POLN: variants seen among roughly 807,000 people sequenced by gnomAD.
The protein encoded by POLN is DNA polymerase N.
In POLN, 108 loss-of-function variants were observed where a neutral mutation model predicts 113.5. That is an observed-to-expected ratio of 0.95 (90% CI 0.81 to 1.12). The LOEUF (loss-of-function observed/expected upper bound fraction) is 1.12, where lower values mean the gene tolerates loss of function less well. Among genes scored for constraint, POLN ranks in the 50% most tolerant of loss-of-function variants. The probability of loss-of-function intolerance (pLI) is 0.00; values close to 1 mark genes in which losing one functional copy is unlikely to be tolerated. For synonymous variants in POLN, 386 were observed against 391.5 expected (o/e 0.99, Z 0.17); for missense variants, 1,097 against 1,077.1 (o/e 1.02, Z -0.26).
In POLN at chr4:2,187,242, G is replaced by T. The variant is rs1041730851; in HGVS notation, c.1021+5962C>A. 7.7e-4 allele frequency among the ~76,000 whole-genome samples: 100 copies of T among 130,024 alleles called. 2 individuals are homozygous for T. The highest frequency in any genetic ancestry group is 2.2e-3 in the African/African-American group (60 of 27,134). The allele number at this position is 130,024 out of a possible 152,430, so 85.3% of individuals were successfully genotyped here. On this transcript the variant is annotated intron_variant, in intron 7 of 25. Coordinates refer to ENST00000511885, the MANE Select transcript of POLN (RefSeq NM_181808.4). Reference sequence around the variant, plus strand: ...AACTTCCCAAATTTTTTGTTTGTTTGTTTTGTTTGTTTGTTTGTTTAGATG... The same window carrying T: ...AACTTCCCAAATTTTTTGTTTGTTTTTTTTGTTTGTTTGTTTGTTTAGATG...
intron 19 of POLN, among the ~76,000 whole-genome samples, chr4:2,119,865 C>A (rs1018032873): frequency 1.4e-4 from 21 of 152,140 alleles, no homozygotes; most frequent in Admixed American, 1.3e-3. Context: ...AAGTAACCAC[C>A]ATGCAAATAC....
intron 16 of POLN, among the ~76,000 whole-genome samples, chr4:2,155,781 G>A (rs1051567589): frequency 6.6e-6 from 1 of 151,958 alleles, no homozygotes; most frequent in African/African-American, 2.4e-5. Context: ...GATATCAAGA[G>A]ATGTTAAAAT....
intron 20 of POLN, chr4:2,090,002 G>T: frequency 1.1e-6 from 1 of 922,318 alleles, no homozygotes; most frequent in Non-Finnish European, 1.7e-6. Context: ...AGTCTGTCAA[G>T]TTTCTTTTTC....
intron 19 of POLN, among the ~76,000 whole-genome samples, chr4:2,115,124 T>A (rs1731284393): frequency 6.6e-6 from 1 of 151,576 alleles, no homozygotes; most frequent in African/African-American, 2.4e-5. Flanking sequence ...CTTGGCTCAC[T>A]GCAACCCCTC....
intron 13 of POLN, among the ~76,000 whole-genome samples, chr4:2,160,354 G>C (rs943511354): frequency 1.3e-5 from 2 of 151,870 alleles, no homozygotes; most frequent in African/African-American, 4.8e-5. Flanking sequence ...ACAGTTTTTT[G>C]GTCTGTTATA....
intron 8 of POLN, among the ~76,000 whole-genome samples, chr4:2,177,587 G>C (rs1241115652): frequency 2.0e-5 from 3 of 152,194 alleles, no homozygotes; most frequent in East Asian, 3.8e-4. Context: ...CCTCGAGTGT[G>C]GATGAGTTGA....
intron 19 of POLN, among the ~76,000 whole-genome samples, chr4:2,116,266 CAT>C (rs1731315195): frequency 6.6e-6 from 1 of 152,202 alleles, no homozygotes; most frequent in African/African-American, 2.4e-5. Flanking sequence ...CACCAACCCA[CAT>C]GTTAATTAAA....
intron 25 of POLN, 53 bp from the exon 26 acceptor site, chr4:2,072,352 C>T: frequency 6.9e-7 from 1 of 1,445,264 alleles, no homozygotes; most frequent in Non-Finnish European, 9.2e-7. Context: ...CACCCCCAGC[C>T]ACCTCCCAGA....
chr4:2,191,870 T>C (rs1338619220), intron 7 of POLN, among the ~76,000 whole-genome samples: 2 of 152,082 alleles, frequency 1.3e-5, no homozygotes, highest in Non-Finnish European at 2.9e-5. Context: ...AGTGGGTCAC[T>C]TTGGGAGGCC....
At chr4:2,204,673 T>C (rs1043264491) in intron 5 of POLN, among the ~76,000 whole-genome samples, 5 of 152,114 alleles carry the variant, frequency 3.3e-5, no homozygotes, top group Admixed American at 2.0e-4. Context: ...CTGATGAACA[T>C]AGATGCAAAA....
chr4:2,188,998 GA>G (rs1051130778), intron 7 of POLN, among the ~76,000 whole-genome samples: 2 of 149,644 alleles, frequency 1.3e-5, no homozygotes, highest in African/African-American at 2.5e-5. Context: ...ATAACTATAA[GA>G]TTTTTTTTGT....
At chr4:2,241,859 G>A in intron 1 of POLN, 69 bp from the exon 2 acceptor site, 2 of 985,528 alleles carry the variant, frequency 2.0e-6, no homozygotes, top group Non-Finnish European at 2.4e-6. Flanking sequence ...GGGGGTGACA[G>A]GCCCCGCACA....
chr4:2,086,226 G>A (rs867589357), intron 20 of POLN, among the ~76,000 whole-genome samples: 3 of 152,212 alleles, frequency 2.0e-5, no homozygotes, highest in Non-Finnish European at 2.9e-5. Flanking sequence ...TATAATCCCA[G>A]CACTTTAGGA....
Position 2,095,917 on chromosome 4 carries a change from C to T in POLN, c.1999G>A (p.Glu667Lys). ...LTSQWKDVPV[E>K]QVTHADREQT... The stretch of plus-strand genomic sequence containing the variant: ...TCTCTGTCTGCGTGTGTCACCTGTT[C>T]CACGGGCACATCCTTCCTGCATGGA... The change falls in exon 20 of 26, where the codon GAA becomes AAA. Residue 667 changes from glutamate to lysine, a missense_variant. Physicochemically the swap from Glu to Lys is moderately conservative, Grantham distance 56. Transcript: ENST00000511885. 1 of 1,614,168 alleles carries T rather than the reference C, an allele frequency of 6.2e-7. No homozygotes were observed. Among genetic ancestry groups the T allele is most frequent in the Non-Finnish European group, 8.5e-7 (1 of 1,180,022 alleles).
rs371562471 is a variant in POLN, at chr4:2,198,690, C to T, written c.742G>A (p.Val248Met). The T allele has an allele frequency of 6.2e-7, 1 of 1,611,336 alleles. No individual in the cohort carries two copies. Among genetic ancestry groups the T allele is most frequent in the Non-Finnish European group, 8.5e-7 (1 of 1,178,978 alleles). The change falls in exon 6 of 26, where the codon GTG (valine) becomes ATG (methionine). Residue 248 changes from valine to methionine, a missense_variant. Coordinates refer to ENST00000511885, the MANE Select transcript of POLN (RefSeq NM_181808.4). ...TCTGCTTGGCGTTTTACTAACACCA[C>T]AATTCCTCTAACAGAAGAAACGGGG... ...QTPVSSVRGI[V>M]VLVKRQAEGG...
In POLN at chr4:2,085,650, G is replaced by A. The variant is rs760925476; in HGVS notation, c.2160C>T (p.Asp720=). 1.8e-5 allele frequency: 29 copies of A among 1,614,128 alleles called. No homozygotes were observed. The South Asian group carries it at 3.1e-4, about 17-fold the overall frequency. ...SFLQKYKKIK[D]FARAAIAQCH... Reference sequence around the variant, plus strand: ...ACTGGGCAATAGCTGCTCGGGCGAAGTCCTTGATTTTCTTGTACTTCTGCA... The same window carrying A: ...ACTGGGCAATAGCTGCTCGGGCGAAATCCTTGATTTTCTTGTACTTCTGCA... Residue 720 remains aspartate, a synonymous_variant, in exon 21 of 26, where the codon GAC becomes GAT. Coordinates refer to ENST00000511885, the MANE Select transcript of POLN (RefSeq NM_181808.4).
rs1165128353 is a variant in POLN at position 2,176,512 on chromosome 4, T to C, written c.1180-178A>G. ...CACCTCGACTAGACAAGTTCGCATC[T>C]GTAGAAAGTGCTTCTACTGCGCAAG... On this transcript the variant is annotated intron_variant, in intron 8 of 25. Transcript: ENST00000511885. Among the ~76,000 whole-genome samples the C allele has an allele frequency of 2.6e-5, 4 of 152,238 alleles. No individual in the cohort carries two copies. In the East Asian group the frequency reaches 7.7e-4, roughly 29 times the overall value.
At chr4:2,192,852 A>C (rs1245544901) in intron 7 of POLN, among the ~76,000 whole-genome samples, 1 of 151,360 alleles carries the variant, frequency 6.6e-6, no homozygotes, top group Non-Finnish European at 1.5e-5. Flanking sequence ...TATTTTAAAT[A>C]AAAGGTAGGT....
At chr4:2,224,218 C>T (rs144240939) in intron 3 of POLN, among the ~76,000 whole-genome samples, 32 of 152,296 alleles carry the variant, frequency 2.1e-4, no homozygotes, top group African/African-American at 7.0e-4. Flanking sequence ...TAGGCCTACA[C>T]AGGGTAAAGA....
Sources: allele counts gnomAD v4.1 joint callset (sites outside exome capture counted in the v4.1 genomes callset), GRCh38; gene constraint gnomAD v4.1.1; transcripts MANE v1.5; gene names NCBI Gene and HGNC (gene_info 2026-07-23, HGNC 2026-07-21).